SLC17A5: variants seen among roughly 807,000 people sequenced by gnomAD.
SLC17A5 encodes the protein sialin.
Under a neutral mutation model 59.4 loss-of-function variants are expected in SLC17A5, and 47 were observed. The observed-to-expected ratio is 0.79, with a 90% CI of 0.63 to 1.01. The LOEUF (loss-of-function observed/expected upper bound fraction) is 1.01. Among genes scored for constraint, SLC17A5 ranks in the 50% least tolerant of loss-of-function variants. The pLI is 0.00. For synonymous variants in SLC17A5, 202 were observed against 210.7 expected (o/e 0.96, Z 0.36); for missense variants, 522 against 595.5 (o/e 0.88, Z 1.28).
Position 73,653,881 on chromosome 6 carries a change from C to T in SLC17A5, c.6G>A (p.Arg2=), listed in dbSNP as rs374582872. 3.2e-4 allele frequency: 521 copies of T among 1,605,236 alleles called. No homozygotes were observed. Among genetic ancestry groups the T allele is most frequent in the Non-Finnish European group, 4.1e-4 (480 of 1,176,604 alleles). Residue 2 remains arginine, a synonymous_variant, in exon 1 of 11, where the codon AGG becomes AGA. Coordinates refer to ENST00000355773, the MANE Select transcript of SLC17A5 (RefSeq NM_012434.5). ...TCCGGGCCAGGTCTCGAACCGGAGA[C>T]CTCATGACGCCTACGTGAGCAGGTG... is the stretch of plus-strand genomic sequence containing the variant. The part of the protein sequence containing the change: M[R]SPVRDLARND...
intron 1 of SLC17A5, chr6:73,645,365 A>G (rs1388143697): frequency 1.0e-6 from 1 of 985,394 alleles, no homozygotes; most frequent in African/African-American, 1.7e-5. Flanking sequence ...AACTAAATGC[A>G]TTTAAGAATC....
At chr6:73,615,107 G>A (rs1329167212) in intron 8 of SLC17A5, among the ~76,000 whole-genome samples, 2 of 152,156 alleles carry the variant, frequency 1.3e-5, no homozygotes, top group African/African-American at 4.8e-5. Context: ...CTGAATTACA[G>A]GATACCTAGC....
chr6:73,632,371 C>T (rs542124200), intron 6 of SLC17A5, among the ~76,000 whole-genome samples: 1 of 147,494 alleles, frequency 6.8e-6, no homozygotes, highest in Non-Finnish European at 1.5e-5. Context: ...TTCCTTTTTC[C>T]GAAGTGTGTC....
chr6:73,653,911 C>G lies in SLC17A5; in HGVS notation c.-25G>C, dbSNP rs1352627676. ...TGACGCCTACGTGAGCAGGTGTACT[C>G]GCCACCTGGCAGAGAAGGGAGCGCC... On this transcript the variant is annotated 5_prime_UTR_variant, in exon 1 of 11. Coordinates refer to ENST00000355773, the MANE Select transcript of SLC17A5 (RefSeq NM_012434.5). 6.3e-7 allele frequency: 1 copy of G among 1,576,270 alleles called. No homozygotes were observed.
At chr6:73,642,355 A>G (rs1432451023) in intron 2 of SLC17A5, among the ~76,000 whole-genome samples, 2 of 152,172 alleles carry the variant, frequency 1.3e-5, no homozygotes, top group African/African-American at 4.8e-5. Context: ...AGAAAACTGT[A>G]GTGGCTGAGC....
chr6:73,648,547 A>G (rs1769688863), intron 1 of SLC17A5, among the ~76,000 whole-genome samples: 1 of 152,208 alleles, frequency 6.6e-6, no homozygotes, highest in Non-Finnish European at 1.5e-5. Context: ...TTTCTTAGCT[A>G]TAATATGTAG....
chr6:73,598,359 G>A (rs1049265931), intron 10 of SLC17A5, among the ~76,000 whole-genome samples: 3 of 152,168 alleles, frequency 2.0e-5, no homozygotes, highest in Non-Finnish European at 4.4e-5. Flanking sequence ...GGCTGGGCGC[G>A]GTGGCTCATG....
chr6:73,612,107 G>C (rs555397711), intron 8 of SLC17A5, among the ~76,000 whole-genome samples: 4 of 152,192 alleles, frequency 2.6e-5, no homozygotes, highest in African/African-American at 7.2e-5. Flanking sequence ...CTGCCTCCCA[G>C]GTGTAAGCAA....
chr6:73,650,401 C>T (rs1220124369), intron 1 of SLC17A5, among the ~76,000 whole-genome samples: 1 of 141,386 alleles, frequency 7.1e-6, no homozygotes, highest in Non-Finnish European at 1.5e-5. Flanking sequence ...CCCAGCTACT[C>T]GGAGGCTGAG....
At chr6:73,599,678 G>T (rs364734) in intron 10 of SLC17A5, among the ~76,000 whole-genome samples, 15,724 of 152,206 alleles carry the variant, frequency 0.1, 955 homozygotes, top group Middle Eastern at 0.18. Flanking sequence ...ATAGTAACAG[G>T]TACCGTGTCA....
At chr6:73,638,610 G>T (rs941516509) in intron 3 of SLC17A5, 111 bp from the exon 4 acceptor site, 3 of 825,328 alleles carry the variant, frequency 3.6e-6, no homozygotes, top group East Asian at 5.3e-5. Context: ...AGAATCAAAC[G>T]AATCAGGTTC....
chr6:73,617,194 G>A (rs530928195), intron 7 of SLC17A5, among the ~76,000 whole-genome samples: 1 of 152,100 alleles, frequency 6.6e-6, no homozygotes, highest in Non-Finnish European at 1.5e-5. Flanking sequence ...GGGAGGCTGA[G>A]GCAGAAGAAT....
At chr6:73,595,548 G>A (rs1480740564) in intron 10 of SLC17A5, among the ~76,000 whole-genome samples, 1 of 152,138 alleles carries the variant, frequency 6.6e-6, no homozygotes, top group East Asian at 1.9e-4. Flanking sequence ...AAAGTTGGGA[G>A]AGTGGTTCCA....
At chr6:73,611,994 A>C (rs1279397596) in intron 8 of SLC17A5, among the ~76,000 whole-genome samples, 2 of 151,366 alleles carry the variant, frequency 1.3e-5, no homozygotes, top group Non-Finnish European at 2.9e-5. Context: ...ACCATGTCTG[A>C]TTTAATTTAA....
chr6:73,653,774 G>A lies in SLC17A5; in HGVS notation c.94+19C>T. On this transcript the variant is annotated intron_variant, in intron 1 of 10. Coordinates refer to ENST00000355773, the MANE Select transcript of SLC17A5 (RefSeq NM_012434.5). The stretch of plus-strand genomic sequence containing the variant: ...GTACCGCTGCCCACTCGAAGCCCCT[G>A]GACGACCCCGCCGCTTACCGGCTTC... 6.4e-7 allele frequency: 1 copy of A among 1,564,040 alleles called. No homozygotes were observed. The highest frequency in any genetic ancestry group is 8.7e-7 in the Non-Finnish European group (1 of 1,154,198).
chr6:73,616,804 G>A (rs1767893593), intron 7 of SLC17A5, among the ~76,000 whole-genome samples: 2 of 151,790 alleles, frequency 1.3e-5, no homozygotes, highest in Admixed American at 6.6e-5. Flanking sequence ...ACGGAGTTTC[G>A]CCATGTTGGC....
At chr6:73,608,773 CG>C (rs1424968843) in intron 9 of SLC17A5, among the ~76,000 whole-genome samples, 1 of 152,138 alleles carries the variant, frequency 6.6e-6, no homozygotes, top group Admixed American at 6.6e-5. Flanking sequence ...CCTAGCACTT[CG>C]GGGGGCTGAG....
chr6:73,626,302 C>T (rs1213978375), intron 6 of SLC17A5, among the ~76,000 whole-genome samples: 1 of 152,156 alleles, frequency 6.6e-6, no homozygotes, highest in Non-Finnish European at 1.5e-5. Context: ...TCAATAGCTG[C>T]TTATCAAACG....
At chr6:73,631,550 A>G (rs895552109) in intron 6 of SLC17A5, among the ~76,000 whole-genome samples, 15 of 151,858 alleles carry the variant, frequency 9.9e-5, no homozygotes, top group Admixed American at 9.2e-4. Flanking sequence ...AAGATGCCCC[A>G]TGGTTCTTCA....
Sources: allele counts gnomAD v4.1 joint callset (sites outside exome capture counted in the v4.1 genomes callset), GRCh38; gene constraint gnomAD v4.1.1; transcripts MANE v1.5; gene names NCBI Gene and HGNC (gene_info 2026-07-23, HGNC 2026-07-21).